Variants in ELSPBP1 observed in about 807,000 individuals in gnomAD.
ELSPBP1 encodes epididymal sperm-binding protein 1.
ELSPBP1 carries 38 observed loss-of-function variants against 33.3 expected under a neutral mutation model. The observed-to-expected ratio is 1.14, with a 90% CI of 0.88 to 1.50. ELSPBP1 has a LOEUF of 1.50. Ranked by LOEUF, ELSPBP1 falls within the 40% of genes most tolerant of loss-of-function variation. The pLI, the probability that ELSPBP1 is intolerant of heterozygous loss-of-function variation, is 0.00. For synonymous variants in ELSPBP1, 85 were observed against 94.1 expected, an observed-to-expected ratio of 0.90 and a Z score of 0.56; for missense variants, 267 against 263.5, an observed-to-expected ratio of 1.01 and a Z score of -0.09.
At position 48,016,047 on chromosome 19, in the gene ELSPBP1, C is replaced by A; in HGVS notation, c.355+8C>A. 1 of 1,612,258 alleles carries A rather than the reference C, an allele frequency of 6.2e-7. No homozygotes were observed. Among genetic ancestry groups the A allele is most frequent in the Non-Finnish European group, 8.5e-7 (1 of 1,179,452 alleles). ...AATTCTGTGAAACGAATGGTGAGCC[C>A]CTGTAGCAGGGATGGGATGTGTGGT... On this transcript the variant is annotated splice_region_variant and intron_variant, in intron 4 of 6. Coordinates refer to ENST00000339841, the MANE Select transcript of ELSPBP1 (RefSeq NM_022142.5).
chr19:48,013,365 A>C (rs1194683386), intron 2 of ELSPBP1, among the ~76,000 whole-genome samples: 1 of 152,200 alleles, frequency 6.6e-6, no homozygotes, highest in Non-Finnish European at 1.5e-5. Context: ...TGCTAAGCCT[A>C]GGTGTGTAGC....
intron 2 of ELSPBP1, among the ~76,000 whole-genome samples, chr19:48,010,101 A>T (rs1967061885): frequency 1.3e-5 from 2 of 152,092 alleles, no homozygotes; most frequent in African/African-American, 4.8e-5. Context: ...AGTCTGGGAG[A>T]TGCAGTGTAG....
rs567748249 is a variant in ELSPBP1, at chr19:48,021,103, T to C, written c.515-1067T>C. Among the ~76,000 whole-genome samples the C allele has an allele frequency of 8.5e-4, 129 of 152,314 alleles. 1 individual carries two copies. The highest frequency in any genetic ancestry group is 3.0e-3 in the African/African-American group (125 of 41,566). ...ATCTTTCATGAGGACATCATTTACG[T>C]CCTCATCTTTCATGGATTCCACAGG... On this transcript the variant is annotated intron_variant, in intron 5 of 6. Transcript: ENST00000339841.
intron 2 of ELSPBP1, among the ~76,000 whole-genome samples, chr19:48,010,335 C>A (rs1365533688): frequency 1.3e-5 from 2 of 152,146 alleles, no homozygotes; most frequent in East Asian, 3.8e-4. Flanking sequence ...CTCCCTGAGA[C>A]CACACCCACA....
chr19:47,997,133 G>A (rs1400811050), intron 1 of ELSPBP1, among the ~76,000 whole-genome samples: 1 of 152,124 alleles, frequency 6.6e-6, no homozygotes, highest in African/African-American at 2.4e-5. Flanking sequence ...GCATGCCAGT[G>A]GAATTGGAAT....
chr19:48,023,595 A>G (rs1322337664), intron 6 of ELSPBP1, among the ~76,000 whole-genome samples: 1 of 113,922 alleles, frequency 8.8e-6, no homozygotes, highest in Non-Finnish European at 1.7e-5. Flanking sequence ...GAAGGAAGGA[A>G]GGGAGGGAGG....
chr19:48,015,901 C>T lies in ELSPBP1; in HGVS notation c.217C>T (p.Arg73Cys), dbSNP rs34129198. The change falls in exon 4 of 7, where the codon CGC becomes TGC. Residue 73 changes from arginine to cysteine, a missense_variant. By Grantham distance (180) the Arg-to-Cys change is radical (BLOSUM62 -3). Transcript: ENST00000339841. ...WKYCQSEDYPRCIFPFIYRGK... is the reference protein window; with the variant it reads ...WKYCQSEDYPCCIFPFIYRGK... ...AACTCTGTTCCTAACAGATTACCCA[C>T]GCTGTATCTTCCCTTTCATCTATCG... 244,627 of 1,604,672 alleles carry T rather than the reference C, an allele frequency of 0.15. 19,862 individuals carry two copies. Among genetic ancestry groups the T allele is most frequent in the South Asian group, 0.22 (20,207 of 90,412 alleles).
chr19:48,009,567 A>T (rs1056875178), intron 2 of ELSPBP1, among the ~76,000 whole-genome samples: 1 of 152,188 alleles, frequency 6.6e-6, no homozygotes, highest in Non-Finnish European at 1.5e-5. Context: ...TGCCTGATAA[A>T]TCGTTCTCCT....
chr19:47,996,663 A>T (rs1446060560), intron 1 of ELSPBP1, among the ~76,000 whole-genome samples: 1 of 152,078 alleles, frequency 6.6e-6, no homozygotes, highest in Non-Finnish European at 1.5e-5. Context: ...GGATGGATGG[A>T]TGATGAAAGA....
intron 1 of ELSPBP1, 63 bp from the exon 2 acceptor site, chr19:48,008,588 T>C (rs1413248940): frequency 2.3e-5 from 27 of 1,160,972 alleles, no homozygotes; most frequent in Non-Finnish European, 3.4e-5. Context: ...ACGTCAAATC[T>C]AGGAGGTAAT....
intron 6 of ELSPBP1, among the ~76,000 whole-genome samples, chr19:48,022,758 AG>A (rs1967215800): frequency 6.6e-6 from 1 of 152,044 alleles, no homozygotes; most frequent in Non-Finnish European, 1.5e-5. Context: ...AACCCAGAAA[AG>A]GGGATAACTG....
At position 47,998,639 on chromosome 19, in the gene ELSPBP1, C is replaced by G. The variant is rs918239633; in HGVS notation, c.-18+3828C>G. On this transcript the variant is annotated intron_variant, in intron 1 of 6. Transcript: ENST00000339841. ...GTCTTTACTAAAAATACAAAAAAATCAGCCGAGCGTGGTGGTGGGCGCCTG... is the reference window on the plus strand; with the variant it reads ...GTCTTTACTAAAAATACAAAAAAATGAGCCGAGCGTGGTGGTGGGCGCCTG... Among the ~76,000 whole-genome samples the G allele has an allele frequency of 4.0e-5, 6 of 151,540 alleles. No individual in the cohort carries two copies. In the South Asian group the frequency reaches 6.3e-4, roughly 16 times the overall value.
rs1250764460 is a variant in ELSPBP1 at position 48,022,268 on chromosome 19, C to T, written c.613C>T (p.Leu205Phe). Residue 205 changes from leucine to phenylalanine, a missense_variant, in exon 6 of 7, where the codon CTT becomes TTT. Coordinates refer to ENST00000339841, the MANE Select transcript of ELSPBP1 (RefSeq NM_022142.5). Reference sequence around the variant, plus strand: ...CACTAACGAAGGATCAAAGGAGAACCTTGTGTGGTGTGCAACTTCTTACAA... The same window carrying T: ...CACTAACGAAGGATCAAAGGAGAACTTTGTGTGGTGTGCAACTTCTTACAA... ...NCTNEGSKEN[L>F]VWCATSYNYD... is the part of the protein sequence containing the mutation. The T allele has an allele frequency of 1.2e-6, 2 of 1,613,608 alleles. No homozygotes were observed. The highest frequency in any genetic ancestry group is 1.7e-5 in the Admixed American group (1 of 59,946).
rs984557605 is a variant in ELSPBP1 at position 48,011,754 on chromosome 19, AATG to A, written c.71-2406_71-2404del. On this transcript the variant is annotated intron_variant, in intron 2 of 6. Transcript: ENST00000339841. The surrounding 1 kb of genome is among the most constrained non-coding windows in gnomAD (Gnocchi z 4.5). ...TGATGCCAATGACAATAGCGTGGAGAATGATGATGATGACAGTGATGGTAATGA... is the reference window on the plus strand; with the variant it reads ...TGATGCCAATGACAATAGCGTGGAGAATGATGATGACAGTGATGGTAATGA... Among the ~76,000 whole-genome samples the A allele has an allele frequency of 6.6e-6, 1 of 151,946 alleles. No individual in the cohort carries two copies. The highest frequency in any genetic ancestry group is 2.4e-5 in the African/African-American group (1 of 41,354).
rs749263429 is a variant in ELSPBP1, at chr19:48,015,932, A to G, written c.248A>G (p.Lys83Arg). 6.2e-7 allele frequency: 1 copy of G among 1,613,428 alleles called. No homozygotes were observed. The highest frequency in any genetic ancestry group is 8.5e-7 in the Non-Finnish European group (1 of 1,179,416). The change falls in exon 4 of 7, where the codon AAG becomes AGG. Residue 83 changes from lysine (K) to arginine (R), a missense_variant. Lys to Arg is a conservative substitution (Grantham distance 26). Transcript: ENST00000339841. The stretch of plus-strand genomic sequence containing the variant: ...ATCTTCCCTTTCATCTATCGAGGAA[A>G]GGCTTATAACAGCTGCATCTCCCAG... ...RCIFPFIYRG[K>R]AYNSCISQGS...
At chr19:48,009,412 T>G (rs1967055688) in intron 2 of ELSPBP1, among the ~76,000 whole-genome samples, 1 of 152,202 alleles carries the variant, frequency 6.6e-6, no homozygotes, top group African/African-American at 2.4e-5. Flanking sequence ...CTGGACAACC[T>G]AATTATATCT....
At chr19:48,023,004 A>G (rs960563843) in intron 6 of ELSPBP1, among the ~76,000 whole-genome samples, 3 of 151,988 alleles carry the variant, frequency 2.0e-5, no homozygotes, top group African/African-American at 7.3e-5. Context: ...TGATTACACC[A>G]CTGTACCCCA....
At chr19:48,013,879 A>G (rs770576845) in intron 2 of ELSPBP1, among the ~76,000 whole-genome samples, 3 of 152,078 alleles carry the variant, frequency 2.0e-5, no homozygotes, top group Non-Finnish European at 4.4e-5. Context: ...TGGTTCACAG[A>G]TGGTGCCTTC....
intron 2 of ELSPBP1, among the ~76,000 whole-genome samples, chr19:48,012,321 G>C (rs867907482): frequency 2.0e-5 from 3 of 151,726 alleles, no homozygotes; most frequent in Admixed American, 2.0e-4. Flanking sequence ...GTAGAGATGG[G>C]GGTCTCACTT....
Sources: gnomAD v4.1 joint callset for allele counts (sites outside exome capture counted in the v4.1 genomes callset) on GRCh38, gnomAD v4.1.1 for gene constraint, Gnocchi (gnomAD v3.1) non-coding constraint, MANE v1.5 for transcripts, NCBI Gene and HGNC (gene_info 2026-07-23, HGNC 2026-07-21) for gene names.